The following SORCS2 variants were observed in gnomAD, a reference collection of about 807,000 sequenced individuals.
SORCS2 encodes sortilin related VPS10 domain containing receptor 2.
A neutral mutation model predicts 141.6 loss-of-function variants in SORCS2; 100 were observed. The observed-to-expected ratio is 0.71, with a 90% CI of 0.60 to 0.83. The LOEUF (loss-of-function observed/expected upper bound fraction) is 0.83, where lower values mean the gene tolerates loss of function less well. SORCS2 is among the 40% of genes least tolerant of loss of function. The pLI, the probability that SORCS2 is intolerant of heterozygous loss-of-function variation, is 0.00. For missense variants in SORCS2, 1,646 were observed against 1,560.2 expected, an observed-to-expected ratio of 1.05 and a Z score of -0.93; for synonymous variants, 789 against 676.9, an observed-to-expected ratio of 1.17 and a Z score of -2.57.
At chr4:7,324,869 C>T (rs937841535) in intron 1 of SORCS2, among the ~76,000 whole-genome samples, 3 of 152,188 alleles carry the variant, frequency 2.0e-5, no homozygotes, top group African/African-American at 7.2e-5. Context: ...TTTGTCACTT[C>T]CCCAGTCGAT....
At chr4:7,426,941 G>A (rs1401973674) in intron 2 of SORCS2, among the ~76,000 whole-genome samples, 3 of 152,234 alleles carry the variant, frequency 2.0e-5, no homozygotes, top group Non-Finnish European at 4.4e-5. Context: ...GTGTTTTGGA[G>A]CGATGGGGCC....
At chr4:7,205,051 T>C (rs951727528) in intron 1 of SORCS2, among the ~76,000 whole-genome samples, 1 of 152,384 alleles carries the variant, frequency 6.6e-6, no homozygotes, top group South Asian at 2.1e-4. Flanking sequence ...AAAAACCCTA[T>C]GTTTTTCTCA....
intron 1 of SORCS2, among the ~76,000 whole-genome samples, chr4:7,282,193 G>A (rs952074372): frequency 3.9e-5 from 6 of 152,200 alleles, no homozygotes; most frequent in South Asian, 4.1e-4. Flanking sequence ...TCCTATCAGT[G>A]CCGGCTGCTG....
chr4:7,736,048 A>G (rs1193988794), intron 25 of SORCS2, among the ~76,000 whole-genome samples: 1 of 152,254 alleles, frequency 6.6e-6, no homozygotes, highest in Non-Finnish European at 1.5e-5. Context: ...AGTGCCCAAT[A>G]TACTTCAAGG....
At chr4:7,484,562 A>G (rs528463303) in intron 2 of SORCS2, among the ~76,000 whole-genome samples, 23 of 151,816 alleles carry the variant, frequency 1.5e-4, no homozygotes, top group Admixed American at 1.3e-3. Context: ...GAAGGTGCTG[A>G]CTCCAGTGTG....
At chr4:7,196,735 C>A (rs1727191644) in intron 1 of SORCS2, among the ~76,000 whole-genome samples, 1 of 151,146 alleles carries the variant, frequency 6.6e-6, no homozygotes, top group Admixed American at 6.7e-5. Context: ...AGAGGTGATT[C>A]TGAGCAGACT....
intron 8 of SORCS2, among the ~76,000 whole-genome samples, chr4:7,674,578 T>TAAAAA (rs377431157): frequency 6.1e-5 from 5 of 82,584 alleles, no homozygotes; most frequent in Admixed American, 1.4e-4. Flanking sequence ...TGTCTCAAAA[T>TAAAAA]AAAAAAAAAA....
At chr4:7,587,043 A>C (rs1005975451) in intron 3 of SORCS2, among the ~76,000 whole-genome samples, 2 of 152,050 alleles carry the variant, frequency 1.3e-5, no homozygotes, top group African/African-American at 4.8e-5. Context: ...TCTTAGCTAC[A>C]GATGATCGGA....
chr4:7,349,466 T>C (rs1720819433), intron 1 of SORCS2, among the ~76,000 whole-genome samples: 1 of 151,908 alleles, frequency 6.6e-6, no homozygotes, highest in Non-Finnish European at 1.5e-5. Flanking sequence ...CTAGACTTTA[T>C]CCCCAGGCCC....
Position 7,557,240 on chromosome 4 carries a change from T to C in SORCS2, c.648+25611T>C, listed in dbSNP as rs181956845. On this transcript the variant is annotated intron_variant, in intron 3 of 26. Transcript: ENST00000507866. ...GGTCTTTTCCTCTTCCTTTCTCTTA[T>C]AGTGATCTTAGCTTCATTACCCAGT... Among the ~76,000 whole-genome samples the C allele has an allele frequency of 3.5e-3, 530 of 152,250 alleles. 8 individuals are homozygous for C. Among genetic ancestry groups the C allele is most frequent in the African/African-American group, 0.012 (500 of 41,550 alleles).
At chr4:7,561,688 C>A (rs1325815730) in intron 3 of SORCS2, among the ~76,000 whole-genome samples, 7 of 152,172 alleles carry the variant, frequency 4.6e-5, no homozygotes, top group Admixed American at 3.3e-4. Context: ...ACCTACCCAT[C>A]CATTTATCTA....
intron 14 of SORCS2, among the ~76,000 whole-genome samples, chr4:7,711,280 C>G (rs1005745184): frequency 6.6e-6 from 1 of 152,224 alleles, no homozygotes; most frequent in Non-Finnish European, 1.5e-5. Context: ...GCCAAATCTT[C>G]AAATATCAGC....
At chr4:7,724,793 A>G (rs57422111) in intron 19 of SORCS2, among the ~76,000 whole-genome samples, 22 of 57,822 alleles carry the variant, frequency 3.8e-4, no homozygotes, top group South Asian at 6.6e-4. Context: ...GCTGGTGAGG[A>G]TGGTGATGGT....
In SORCS2 at chr4:7,369,006, T is replaced by C. The variant is rs536170909; in HGVS notation, c.481-27282T>C. ...CTCCCCAGCCATGTGGAATTGTGAG[T>C]CCATTAAACCTCTTTCTTAGGCTGG... On this transcript the variant is annotated intron_variant, in intron 1 of 26. Transcript: ENST00000507866. Among the ~76,000 whole-genome samples, 8 of 152,240 alleles carry C rather than the reference T, an allele frequency of 5.3e-5. No homozygotes were observed. In the East Asian group the frequency reaches 1.4e-3, roughly 26 times the overall value.
At chr4:7,681,158 G>A (rs1362375765) in intron 9 of SORCS2, among the ~76,000 whole-genome samples, 1 of 152,138 alleles carries the variant, frequency 6.6e-6, no homozygotes, top group Non-Finnish European at 1.5e-5. Flanking sequence ...GTCAGGGGAG[G>A]GACTGCACTG....
At chr4:7,244,906 C>T (rs1275963680) in intron 1 of SORCS2, among the ~76,000 whole-genome samples, 1 of 152,152 alleles carries the variant, frequency 6.6e-6, no homozygotes, top group African/African-American at 2.4e-5. Flanking sequence ...ACCTGAGTAC[C>T]CAGCCCAGCC....
intron 2 of SORCS2, among the ~76,000 whole-genome samples, chr4:7,438,576 T>C (rs1002226293): frequency 5.3e-5 from 8 of 152,188 alleles, no homozygotes; most frequent in Non-Finnish European, 1.0e-4. Flanking sequence ...TGTATTCTTC[T>C]GTGAATAAAA....
At chr4:7,467,294 C>A (rs2109337105) in intron 2 of SORCS2, among the ~76,000 whole-genome samples, 2 of 152,312 alleles carry the variant, frequency 1.3e-5, no homozygotes, top group African/African-American at 4.8e-5. Context: ...GTGGCCAGGA[C>A]AGCAGCAGAG....
chr4:7,263,045 A>C (rs898038954), intron 1 of SORCS2, among the ~76,000 whole-genome samples: 6 of 152,190 alleles, frequency 3.9e-5, no homozygotes, highest in African/African-American at 1.4e-4. Flanking sequence ...ACTGCTGCAG[A>C]GGAAAGAACA....
Sources: gnomAD v4.1 joint callset for allele counts (sites outside exome capture counted in the v4.1 genomes callset) on GRCh38, gnomAD v4.1.1 for gene constraint, MANE v1.5 for transcripts, NCBI Gene and HGNC (gene_info 2026-07-23, HGNC 2026-07-21) for gene names.